The following NEB variants were observed in gnomAD, a reference collection of about 807,000 sequenced individuals.
NEB encodes nebulin.
In NEB, 512 loss-of-function variants were observed where a neutral mutation model predicts 952.2. That is an observed-to-expected ratio of 0.54 (90% CI 0.50 to 0.58). NEB has a LOEUF of 0.58. Ranked by LOEUF, NEB falls within the 20% of genes least tolerant of loss-of-function variation. NEB has a pLI of 0.00. For missense variants in NEB, 8,428 were observed against 9,231.1 expected (o/e 0.91, Z 3.56); for synonymous variants, 2,900 against 3,149.8 (o/e 0.92, Z 2.66).
chr2:151,504,566 C>G (rs1184286903), intron 165 of NEB, among the ~76,000 whole-genome samples: 1 of 152,168 alleles, frequency 6.6e-6, no homozygotes, highest in Non-Finnish European at 1.5e-5. Flanking sequence ...GAACAACCTG[C>G]AAGAGAAATA....
chr2:151,536,592 G>T (rs1435156070), intron 141 of NEB, among the ~76,000 whole-genome samples: 1 of 152,032 alleles, frequency 6.6e-6, no homozygotes, highest in Non-Finnish European at 1.5e-5. Context: ...CCACAGTATT[G>T]TAACAAACAA....
intron 105 of NEB, among the ~76,000 whole-genome samples, chr2:151,576,594 C>G (rs2096872939): frequency 7.8e-6 from 1 of 128,520 alleles, no homozygotes; most frequent in African/African-American, 3.0e-5. Flanking sequence ...TGCAATGGCA[C>G]AATCTCAGCT....
At chr2:151,515,070 C>T (rs1280234258) in intron 157 of NEB, 142 bp from the exon 158 acceptor site, 2 of 623,074 alleles carry the variant, frequency 3.2e-6, no homozygotes, top group African/African-American at 1.8e-5. Context: ...ACATTTGAAA[C>T]ATGTATGATT....
intron 146 of NEB, among the ~76,000 whole-genome samples, chr2:151,528,661 C>A (rs146867570): frequency 2.3e-4 from 35 of 152,256 alleles, no homozygotes; most frequent in Admixed American, 4.6e-4. Context: ...ATTGTATAAC[C>A]ATTTAATATA....
In NEB at chr2:151,518,252, A is replaced by AT. The variant is rs569359041; in HGVS notation, c.22800+65dup. ...TCAAACAATGGAGGGAATCTATGAA[A>AT]TTTTTTTTCACATTGTACTGTGGAT... is the stretch of plus-strand genomic sequence containing the variant. On this transcript the variant is annotated intron_variant, in intron 156 of 181. Coordinates refer to ENST00000397345, the MANE Select transcript of NEB (RefSeq NM_001164508.2). 2,455 of 1,175,386 alleles carry AT rather than the reference A, an allele frequency of 2.1e-3. 8 individuals carry two copies. Among genetic ancestry groups the AT allele is most frequent in the Non-Finnish European group, 2.7e-3 (2,094 of 781,900 alleles). 72.8% of individuals were successfully genotyped at this position (1,175,386 alleles called of 1,614,324 possible). A position where few individuals can be genotyped will look rare whatever the true frequency, so the allele number is the denominator to read the frequency against.
rs1052094385 is a variant in NEB at position 151,633,761 on chromosome 2, T to C, written c.9307A>G (p.Thr3103Ala). Reference sequence around the variant, plus strand: ...TTATAGTCCACGTCACTGACTAAGGTCTGGCACTTCTTGGCCAGCACCACC... The same window carrying C: ...TTATAGTCCACGTCACTGACTAAGGCCTGGCACTTCTTGGCCAGCACCACC... Reference protein sequence around the residue: ...LGVVLAKKCQTLVSDVDYKNY... With the variant: ...LGVVLAKKCQALVSDVDYKNY... The change falls in exon 65 of 182, where the codon ACC becomes GCC. Residue 3103 changes from threonine (T) to alanine (A), a missense_variant. Thr to Ala is a moderately conservative substitution (Grantham distance 58). Transcript: ENST00000397345. 2 of 1,613,850 alleles carry C rather than the reference T, an allele frequency of 1.2e-6. No individual in the cohort carries two copies. The highest frequency in any genetic ancestry group is 1.7e-6 in the Non-Finnish European group (2 of 1,179,876).
intron 103 of NEB, among the ~76,000 whole-genome samples, 182 bp downstream of exon 103, chr2:151,581,301 T>C (rs1176690517): frequency 5.7e-4 from 5 of 8,840 alleles, no homozygotes; most frequent in South Asian, 4.0e-3. Flanking sequence ...TTCCAACAAA[T>C]ATTGAGATGT....
At chr2:151,645,296 G>T (rs1226417882) in intron 55 of NEB, among the ~76,000 whole-genome samples, 1 of 152,180 alleles carries the variant, frequency 6.6e-6, no homozygotes, top group Non-Finnish European at 1.5e-5. Flanking sequence ...TGCCTAAGGG[G>T]TTATCTCTTC....
intron 77 of NEB, among the ~76,000 whole-genome samples, chr2:151,612,820 T>TCATTA (rs1287404467): frequency 6.6e-6 from 1 of 152,192 alleles, no homozygotes; most frequent in Admixed American, 6.5e-5. Flanking sequence ...TACTGGTTGA[T>TCATTA]CACGTTGCAT....
chr2:151,574,920 T>G (rs1056395009), intron 107 of NEB, among the ~76,000 whole-genome samples: 2 of 151,992 alleles, frequency 1.3e-5, no homozygotes, highest in African/African-American at 4.8e-5. Flanking sequence ...TTTATTTTCT[T>G]GCAGAGATGG....
At chr2:151,564,632 C>A (rs943727596) in intron 117 of NEB, among the ~76,000 whole-genome samples, 13 of 152,152 alleles carry the variant, frequency 8.5e-5, no homozygotes, top group Non-Finnish European at 1.9e-4. Flanking sequence ...CTCTTGTTGG[C>A]TAGAGATGCT....
chr2:151,606,519 T>A lies in NEB; in HGVS notation c.12747+87A>T, dbSNP rs2097708600. ...GATGAGATGAATTCTATGCACAGAT[T>A]TTTTAAAAACACAAAATTCTTGAAA... On this transcript the variant is annotated intron_variant, in intron 84 of 181. Coordinates refer to ENST00000397345, the MANE Select transcript of NEB (RefSeq NM_001164508.2). 1.8e-5 allele frequency: 11 copies of A among 604,206 alleles called. 4 individuals are homozygous for A. In the East Asian group the frequency reaches 4.8e-4, roughly 26 times the overall value. The allele number at this position is 604,206 out of a possible 1,614,324, so 37.4% of individuals were successfully genotyped here.
intron 52 of NEB, 25 bp downstream of exon 52, chr2:151,653,967 T>C (rs775854821): frequency 6.7e-7 from 1 of 1,496,744 alleles, no homozygotes; most frequent in African/African-American, 1.4e-5. Flanking sequence ...AAATATAGCC[T>C]TATAGAACTC....
chr2:151,680,652 G>A, intron 30 of NEB, 78 bp downstream of exon 30: 1 of 1,057,676 alleles, frequency 9.5e-7, no homozygotes, highest in Non-Finnish European at 1.4e-6. Flanking sequence ...AATAACTAGA[G>A]GTGATCAGTA....
intron 67 of NEB, 71 bp downstream of exon 67, chr2:151,630,644 C>T (rs1028904276): frequency 8.8e-6 from 11 of 1,246,546 alleles, no homozygotes; most frequent in Middle Eastern, 1.9e-4. Context: ...ACAGCTGAGG[C>T]CCAAGAATCT....
intron 71 of NEB, among the ~76,000 whole-genome samples, chr2:151,622,042 C>T (rs2098426467): frequency 6.6e-6 from 1 of 152,122 alleles, no homozygotes; most frequent in African/African-American, 2.4e-5. Flanking sequence ...GACAGTCTCA[C>T]TCTGTCGCCC....
At chr2:151,694,675 T>A (rs777453859) in intron 18 of NEB, 46 bp from the exon 19 acceptor site, 1 of 1,461,622 alleles carries the variant, frequency 6.8e-7, no homozygotes, top group African/African-American at 1.4e-5. Context: ...GTGATATGCA[T>A]GTCACGACCT....
intron 1 of NEB, among the ~76,000 whole-genome samples, chr2:151,734,037 C>T (rs1394971483): frequency 1.3e-5 from 2 of 152,176 alleles, no homozygotes; most frequent in East Asian, 3.8e-4. Context: ...GCTAGCGAAA[C>T]TGCCACTCCT....
At chr2:151,550,588 C>A (rs755176537) in intron 129 of NEB, among the ~76,000 whole-genome samples, 1 of 152,162 alleles carries the variant, frequency 6.6e-6, no homozygotes, top group Non-Finnish European at 1.5e-5. Flanking sequence ...AATACTCTGT[C>A]TCTTGGAGTT....
Sources: gnomAD v4.1 joint callset for allele counts (sites outside exome capture counted in the v4.1 genomes callset) on GRCh38, gnomAD v4.1.1 for gene constraint, MANE v1.5 for transcripts, NCBI Gene and HGNC (gene_info 2026-07-23, HGNC 2026-07-21) for gene names.